Variants in CACNA1A observed in about 807,000 individuals in gnomAD.
The protein encoded by CACNA1A is voltage-dependent P/Q-type calcium channel subunit alpha-1A.
CACNA1A carries 57 observed loss-of-function variants against 262.4 expected under a neutral mutation model. The ratio of observed to expected loss-of-function variants is 0.22; its 90% CI spans 0.18 to 0.27. CACNA1A has a LOEUF of 0.27. Among genes scored for constraint, CACNA1A ranks in the 10% least tolerant of loss-of-function variants. The probability of loss-of-function intolerance (pLI) is 1.00; values close to 1 mark genes in which losing one functional copy is unlikely to be tolerated. For synonymous variants in CACNA1A, 1,431 were observed against 1,419.3 expected (o/e 1.01, Z -0.18); for missense variants, 2,526 against 3,562.8 (o/e 0.71, Z 7.41).
intron 22 of CACNA1A, 86 bp downstream of exon 22, chr19:13,283,181 C>A (rs1172374905): frequency 6.5e-7 from 1 of 1,536,108 alleles, no homozygotes; most frequent in East Asian, 2.3e-5. Flanking sequence ...AACATCCCAC[C>A]CTACCTATGA....
intron 37 of CACNA1A, 84 bp downstream of exon 37, chr19:13,227,347 T>C: frequency 5.1e-6 from 3 of 587,060 alleles, no homozygotes; most frequent in Non-Finnish European, 9.2e-6. Flanking sequence ...GCCGGGTGTT[T>C]CTGGTCAGCA....
chr19:13,372,660 T>A (rs1168503895), intron 3 of CACNA1A, among the ~76,000 whole-genome samples: 1 of 152,176 alleles, frequency 6.6e-6, no homozygotes, highest in African/African-American at 2.4e-5. Flanking sequence ...CTCCAAGGGT[T>A]GTGAGGATTC....
rs2058176802 is a variant in CACNA1A, at chr19:13,318,521, C to T, written c.1346-1200G>A. ...GGAACCTGATTTGGGTGTTCACAGG[C>T]ACCCTCTGGCTGCCGAGTGGGAGAG... On this transcript the variant is annotated intron_variant, in intron 10 of 46. Coordinates refer to ENST00000360228, the MANE Select transcript of CACNA1A (RefSeq NM_001127222.2). 2.6e-5 allele frequency among the ~76,000 whole-genome samples: 4 copies of T among 152,056 alleles called. No individual in the cohort carries two copies. The South Asian group carries it at 8.3e-4, about 32-fold the overall frequency.
chr19:13,235,128 C>A, intron 33 of CACNA1A, 81 bp downstream of exon 33: 2 of 1,555,950 alleles, frequency 1.3e-6, no homozygotes, highest in Non-Finnish European at 1.8e-6. Flanking sequence ...TTCTGTGAAC[C>A]AGGCTCCTCT....
intron 6 of CACNA1A, among the ~76,000 whole-genome samples, chr19:13,346,686 T>G (rs1178044162): frequency 1.1e-5 from 1 of 89,822 alleles, no homozygotes; most frequent in African/African-American, 4.3e-5. Flanking sequence ...TTTTTTTTTT[T>G]TTTTTTTTTT....
intron 3 of CACNA1A, among the ~76,000 whole-genome samples, chr19:13,402,882 A>G (rs1337221989): frequency 2.5e-4 from 18 of 70,724 alleles, no homozygotes; most frequent in African/African-American, 1.9e-3. Flanking sequence ...ACATATATAT[A>G]TATATATATA....
At chr19:13,419,851 C>T (rs1167367190) in intron 3 of CACNA1A, among the ~76,000 whole-genome samples, 2 of 151,904 alleles carry the variant, frequency 1.3e-5, no homozygotes, top group African/African-American at 2.4e-5. Flanking sequence ...TTTGGGAGGC[C>T]GAGGTGGGTG....
intron 22 of CACNA1A, among the ~76,000 whole-genome samples, chr19:13,281,984 G>A (rs2057303374): frequency 6.6e-6 from 1 of 152,212 alleles, no homozygotes; most frequent in Non-Finnish European, 1.5e-5. Flanking sequence ...TCAGCAGGGG[G>A]TTTGTGGACC....
chr19:13,449,134 T>G (rs2060870309), intron 3 of CACNA1A, among the ~76,000 whole-genome samples: 2 of 150,712 alleles, frequency 1.3e-5, no homozygotes, highest in African/African-American at 4.9e-5. Flanking sequence ...GCCTGGCTAA[T>G]TTTTTGCATT....
intron 11 of CACNA1A, among the ~76,000 whole-genome samples, chr19:13,313,762 C>A (rs7253025): frequency 0.24 from 36,822 of 151,920 alleles, 4,677 homozygotes; most frequent in African/African-American, 0.33. Context: ...TGGACCATAA[C>A]GGCCCCATAA....
Position 13,317,284 on chromosome 19 carries a change from C to T in CACNA1A, c.1383G>A (p.Lys461=). 1 of 1,611,554 alleles carries T rather than the reference C, an allele frequency of 6.2e-7. No homozygotes were observed. The highest frequency in any genetic ancestry group is 8.5e-7 in the Non-Finnish European group (1 of 1,177,852). The change falls in exon 11 of 47, where the codon AAG becomes AAA. Residue 461 remains lysine (K), a synonymous_variant. Coordinates refer to ENST00000360228, the MANE Select transcript of CACNA1A (RefSeq NM_001127222.2). ...PFARASIKSA[K]LENSTFFHKK... ...TGTGAAAAAAGGTCGAGTTCTCCAG[C>T]TTGGCACTTTTAATGCTGGCTCGGG...
At chr19:13,496,043 ACCATCCATCCATCCATCCATCCATCCAT>A (rs140251496) in intron 1 of CACNA1A, among the ~76,000 whole-genome samples, 1 of 145,742 alleles carries the variant, frequency 6.9e-6, no homozygotes, top group Non-Finnish European at 1.5e-5. Context: ...CATCTGTTCA[ACCATCCATCCATCCATCCATCCATCCAT>A]CCATCCATCC....
chr19:13,254,774 CTG>C (rs892858570), intron 29 of CACNA1A, among the ~76,000 whole-genome samples: 7 of 152,130 alleles, frequency 4.6e-5, no homozygotes, highest in African/African-American at 1.4e-4. Flanking sequence ...GTGGGGGACA[CTG>C]TCATGCAACC....
intron 24 of CACNA1A, among the ~76,000 whole-genome samples, chr19:13,269,884 T>C (rs2056972305): frequency 6.6e-6 from 1 of 152,116 alleles, no homozygotes; most frequent in Non-Finnish European, 1.5e-5. Context: ...TTCTCCCATA[T>C]CGGAGACGAG....
At chr19:13,305,850 A>C (rs1460913234) in intron 15 of CACNA1A, among the ~76,000 whole-genome samples, 1 of 152,176 alleles carries the variant, frequency 6.6e-6, no homozygotes, top group Non-Finnish European at 1.5e-5. Context: ...TCACGAGGCC[A>C]GGAGTTCGAG....
intron 31 of CACNA1A, chr19:13,243,711 C>A (rs1016025325): frequency 6.6e-6 from 1 of 152,212 alleles, no homozygotes; most frequent in Admixed American, 6.5e-5. Flanking sequence ...CATGCACCAC[C>A]ACACCTGGCT....
chr19:13,222,984 C>T (rs940174065), intron 38 of CACNA1A, among the ~76,000 whole-genome samples: 2 of 152,106 alleles, frequency 1.3e-5, no homozygotes, highest in Admixed American at 6.6e-5. Context: ...TAAGCCACTG[C>T]GCCCAGCCCC....
intron 23 of CACNA1A, among the ~76,000 whole-genome samples, 172 bp from the exon 24 acceptor site, chr19:13,276,128 C>T (rs146883212): frequency 9.4e-4 from 143 of 152,296 alleles, no homozygotes; most frequent in Non-Finnish European, 1.8e-3. Flanking sequence ...AGCCCCTGCC[C>T]CATGAGGCGG....
chr19:13,455,371 C>T (rs1035639447), intron 1 of CACNA1A, among the ~76,000 whole-genome samples, 159 bp from the exon 2 acceptor site: 4 of 152,152 alleles, frequency 2.6e-5, no homozygotes, highest in African/African-American at 9.7e-5. Flanking sequence ...GAGTAGATCC[C>T]TGCAGATCTC....
Sources: allele counts gnomAD v4.1 joint callset (sites outside exome capture counted in the v4.1 genomes callset), GRCh38; gene constraint gnomAD v4.1.1; transcripts MANE v1.5; gene names NCBI Gene and HGNC (gene_info 2026-07-23, HGNC 2026-07-21).